OTUD7A: variants seen among roughly 807,000 people sequenced by gnomAD.
OTUD7A encodes OTU deubiquitinase 7A, also known as OTU domain-containing protein 7A.
A neutral mutation model predicts 65.7 loss-of-function variants in OTUD7A; 12 were observed. The observed-to-expected ratio is 0.18, with a 90% CI of 0.12 to 0.30. The LOEUF (loss-of-function observed/expected upper bound fraction) is 0.30. Among genes scored for constraint, OTUD7A ranks in the 10% least tolerant of loss-of-function variants. The probability of loss-of-function intolerance (pLI) is 1.00; values close to 1 mark genes in which losing one functional copy is unlikely to be tolerated. For missense variants in OTUD7A, 1,148 were observed against 1,304.8 expected, an observed-to-expected ratio of 0.88 and a Z score of 1.85; for synonymous variants, 641 against 586.3, an observed-to-expected ratio of 1.09 and a Z score of -1.35.
At chr15:31,664,286 C>T (rs1412525830) in intron 1 of OTUD7A, among the ~76,000 whole-genome samples, 1 of 94,826 alleles carries the variant, frequency 1.1e-5, no homozygotes, top group East Asian at 2.6e-4. Flanking sequence ...TACATTCCCA[C>T]CAGAACATTC....
intron 3 of OTUD7A, among the ~76,000 whole-genome samples, chr15:31,583,600 T>C (rs752559081): frequency 1.1e-4 from 17 of 151,694 alleles, no homozygotes; most frequent in Non-Finnish European, 2.2e-4. Context: ...GGAAGCCCCT[T>C]CTGCTTGGTT....
At position 31,860,622 on chromosome 15, in the gene OTUD7A, G is replaced by GATAAATATAC. The variant is rs59869625; in HGVS notation, c.-100+9884_-100+9885insGTATATTTAT. ...TATTCTCCTCGACCCCAGAAGTGGA[G>GATAAATATAC]ATATATATATATATATATATATGTA... is the stretch of plus-strand genomic sequence containing the variant. On this transcript the variant is annotated intron_variant, in intron 1 of 12. Transcript: ENST00000307050. Among the ~76,000 whole-genome samples, 47 of 26,858 alleles carry GATAAATATAC rather than the reference G, an allele frequency of 1.7e-3. 1 individual carries two copies. The highest frequency in any genetic ancestry group is 0.016 in the Middle Eastern group (1 of 62). 17.6% of individuals were successfully genotyped at this position (26,858 alleles called of 152,430 possible).
chr15:31,803,579 C>T (rs991773090), intron 1 of OTUD7A, among the ~76,000 whole-genome samples: 11 of 152,216 alleles, frequency 7.2e-5, no homozygotes, highest in African/African-American at 1.2e-4. Flanking sequence ...AGGAGCTCCA[C>T]AGGGAGCAGA....
intron 3 of OTUD7A, among the ~76,000 whole-genome samples, chr15:31,647,108 G>GGGA (rs1201408298): frequency 6.6e-6 from 1 of 152,104 alleles, no homozygotes; most frequent in Non-Finnish European, 1.5e-5. Context: ...TAGTGGGAAC[G>GGGA]GGACACTTGG....
At chr15:31,645,025 C>T (rs950524721) in intron 3 of OTUD7A, among the ~76,000 whole-genome samples, 18 of 152,188 alleles carry the variant, frequency 1.2e-4, no homozygotes, top group Admixed American at 9.8e-4. Context: ...CTCTGTGAAT[C>T]GCTGCAGTTC....
chr15:31,520,895 G>T (rs144305553), intron 8 of OTUD7A, among the ~76,000 whole-genome samples: 2 of 152,108 alleles, frequency 1.3e-5, no homozygotes, highest in Admixed American at 6.5e-5. Flanking sequence ...GTCCATCAAC[G>T]TAGGATTAGA....
intron 1 of OTUD7A, among the ~76,000 whole-genome samples, chr15:31,855,309 G>A (rs547495295): frequency 6.6e-5 from 10 of 152,284 alleles, no homozygotes; most frequent in African/African-American, 2.4e-4. Context: ...TAAAAGACAG[G>A]AGAAATATCT....
At chr15:31,528,918 T>A (rs931912073) in intron 6 of OTUD7A, among the ~76,000 whole-genome samples, 1 of 152,216 alleles carries the variant, frequency 6.6e-6, no homozygotes, top group Non-Finnish European at 1.5e-5. Context: ...CTATGAGCTC[T>A]GGGCTTATTG....
chr15:31,534,670 A>C (rs915700798), intron 5 of OTUD7A, among the ~76,000 whole-genome samples: 6 of 152,246 alleles, frequency 3.9e-5, no homozygotes, highest in Non-Finnish European at 7.3e-5. Flanking sequence ...AGGAAGCTAC[A>C]AAAAACCATA....
intron 1 of OTUD7A, among the ~76,000 whole-genome samples, chr15:31,819,647 G>A (rs1001107729): frequency 1.2e-4 from 18 of 152,004 alleles, no homozygotes; most frequent in African/African-American, 3.9e-4. Context: ...GTAATCATAT[G>A]TGTATAATTC....
intron 5 of OTUD7A, among the ~76,000 whole-genome samples, chr15:31,536,147 C>G (rs1887795669): frequency 6.6e-6 from 1 of 152,174 alleles, no homozygotes; most frequent in African/African-American, 2.4e-5. Flanking sequence ...AAGGTAATCT[C>G]CAGGCTGATG....
In OTUD7A at chr15:31,487,198, G is replaced by A. The variant is rs758112243; in HGVS notation, c.1367C>T (p.Thr456Ile). 3.7e-6 allele frequency: 6 copies of A among 1,613,560 alleles called. No homozygotes were observed. The highest frequency in any genetic ancestry group is 1.7e-5 in the Admixed American group (1 of 60,006). ...TCCCAGCACAGCCAGGCTCACCCGT[G>A]TCTCGGAGGGGATCCGGATCCACGT... ...NVTWIRIPSE[T>I]RAPLAQPESP... Residue 456 changes from threonine to isoleucine, a missense_variant, in exon 12 of 13, where the codon ACA becomes ATA. Thr to Ile is a moderately conservative substitution (Grantham distance 89). Transcript: ENST00000307050. The surrounding 1 kb of genome is among the most constrained non-coding windows in gnomAD (Gnocchi z 6.0).
chr15:31,499,561 G>A (rs72724993), intron 10 of OTUD7A, among the ~76,000 whole-genome samples: 5 of 152,194 alleles, frequency 3.3e-5, no homozygotes, highest in South Asian at 2.1e-4. Context: ...ACTCTGTCCC[G>A]TCCCCACAGT....
chr15:31,683,185 C>T (rs1176362186), intron 1 of OTUD7A, among the ~76,000 whole-genome samples: 1 of 152,122 alleles, frequency 6.6e-6, no homozygotes, highest in African/African-American at 2.4e-5. Flanking sequence ...TGGTAAAATT[C>T]AGTGTTTTAT....
chr15:31,782,106 G>A (rs575979607), intron 1 of OTUD7A, among the ~76,000 whole-genome samples: 3 of 152,344 alleles, frequency 2.0e-5, no homozygotes, highest in South Asian at 2.1e-4. Flanking sequence ...GTCCTCAGAC[G>A]TGACGCACAG....
At chr15:31,589,672 A>G (rs529132299) in intron 3 of OTUD7A, among the ~76,000 whole-genome samples, 1 of 152,200 alleles carries the variant, frequency 6.6e-6, no homozygotes, top group South Asian at 2.1e-4. Context: ...CAGTTTACCT[A>G]AATGCCTGGC....
intron 1 of OTUD7A, among the ~76,000 whole-genome samples, chr15:31,814,572 G>A (rs1896502269): frequency 3.3e-5 from 5 of 150,748 alleles, no homozygotes; most frequent in Admixed American, 3.3e-4. Flanking sequence ...TGCCCAGGCT[G>A]GAGTGCAGCA....
chr15:31,546,081 T>C (rs1888121838), intron 5 of OTUD7A, among the ~76,000 whole-genome samples: 1 of 152,182 alleles, frequency 6.6e-6, no homozygotes, highest in Non-Finnish European at 1.5e-5. Context: ...TTAAAATATA[T>C]GGGAAAATGT....
chr15:31,631,627 T>G (rs376146301), intron 3 of OTUD7A, among the ~76,000 whole-genome samples: 1 of 152,196 alleles, frequency 6.6e-6, no homozygotes, highest in East Asian at 1.9e-4. Context: ...TGAATCTGAA[T>G]GTTTGCCTGC....
Sources: allele counts gnomAD v4.1 joint callset (sites outside exome capture counted in the v4.1 genomes callset), GRCh38; gene constraint gnomAD v4.1.1; non-coding constraint Gnocchi (gnomAD v3.1); transcripts MANE v1.5; gene names NCBI Gene and HGNC (gene_info 2026-07-23, HGNC 2026-07-21).